CPA6: variants seen among roughly 807,000 people sequenced by gnomAD.
CPA6 encodes the protein carboxypeptidase B.
Under a neutral mutation model 63.3 loss-of-function variants are expected in CPA6, and 58 were observed. That is an observed-to-expected ratio of 0.92 (90% CI 0.74 to 1.14). The LOEUF is 1.14. Among genes scored for constraint, CPA6 ranks in the 50% most tolerant of loss-of-function variants. CPA6 has a pLI of 0.00. For synonymous variants in CPA6, 185 were observed against 179.0 expected (o/e 1.03, Z -0.27); for missense variants, 565 against 526.6 (o/e 1.07, Z -0.71).
At chr8:67,571,712 G>T (rs1468822521) in intron 2 of CPA6, among the ~76,000 whole-genome samples, 1 of 152,068 alleles carries the variant, frequency 6.6e-6, no homozygotes, top group Non-Finnish European at 1.5e-5. Flanking sequence ...AGGAAAGTTT[G>T]TAGCAAAAAC....
At chr8:67,451,100 G>A (rs545232574) in intron 8 of CPA6, among the ~76,000 whole-genome samples, 1 of 152,234 alleles carries the variant, frequency 6.6e-6, no homozygotes, top group African/African-American at 2.4e-5. Flanking sequence ...TGAATAAGTG[G>A]AGCTGACCCT....
At chr8:67,712,203 A>G (rs1354789236) in intron 1 of CPA6, among the ~76,000 whole-genome samples, 1 of 152,106 alleles carries the variant, frequency 6.6e-6, no homozygotes, top group Non-Finnish European at 1.5e-5. Context: ...CTTGGTGCAG[A>G]TTGGGTAGAG....
intron 1 of CPA6, among the ~76,000 whole-genome samples, chr8:67,695,779 C>T (rs1454696584): frequency 6.6e-6 from 1 of 152,154 alleles, no homozygotes; most frequent in African/African-American, 2.4e-5. Context: ...AAATCAGTGT[C>T]CAATATATGG....
At chr8:67,695,847 A>AG (rs1816903176) in intron 1 of CPA6, among the ~76,000 whole-genome samples, 5 of 152,172 alleles carry the variant, frequency 3.3e-5, no homozygotes, top group Admixed American at 3.3e-4. Flanking sequence ...TACAGATGGG[A>AG]GGGGCAGCAT....
At chr8:67,492,883 G>A (rs1811636842) in intron 6 of CPA6, among the ~76,000 whole-genome samples, 1 of 152,172 alleles carries the variant, frequency 6.6e-6, no homozygotes, top group Non-Finnish European at 1.5e-5. Context: ...AAATTGGATA[G>A]AAGGGAGAAA....
chr8:67,654,814 C>T (rs960029764), intron 1 of CPA6, among the ~76,000 whole-genome samples: 9 of 152,130 alleles, frequency 5.9e-5, no homozygotes, highest in Admixed American at 3.3e-4. Flanking sequence ...TTGGTCTCCT[C>T]TTTTTCTACA....
intron 2 of CPA6, among the ~76,000 whole-genome samples, chr8:67,597,357 C>T (rs930595333): frequency 2.0e-5 from 3 of 152,018 alleles, no homozygotes; most frequent in Non-Finnish European, 4.4e-5. Context: ...CACAACCACA[C>T]CCAGCTAATT....
chr8:67,716,751 C>A (rs1025757394), intron 1 of CPA6, among the ~76,000 whole-genome samples: 1 of 152,196 alleles, frequency 6.6e-6, no homozygotes, highest in Admixed American at 6.5e-5. Flanking sequence ...TGATGCCATT[C>A]CCAGCTTGAC....
At chr8:67,676,663 C>T (rs1453425875) in intron 1 of CPA6, among the ~76,000 whole-genome samples, 1 of 152,184 alleles carries the variant, frequency 6.6e-6, no homozygotes, top group East Asian at 1.9e-4. Flanking sequence ...TCTAGACAGG[C>T]TTTTACATGC....
intron 6 of CPA6, among the ~76,000 whole-genome samples, chr8:67,492,663 T>A (rs932124318): frequency 2.0e-5 from 3 of 152,186 alleles, no homozygotes; most frequent in Admixed American, 6.6e-5. Context: ...TCTCATTGAT[T>A]ATGAAGATTG....
intron 8 of CPA6, among the ~76,000 whole-genome samples, chr8:67,475,890 CT>C (rs1249280734): frequency 2.6e-3 from 112 of 43,484 alleles, no homozygotes; most frequent in Non-Finnish European, 3.5e-3. Context: ...TCCTTTCTTT[CT>C]TTCTTTCTTT....
chr8:67,515,642 G>A (rs2128966365), intron 3 of CPA6, among the ~76,000 whole-genome samples: 1 of 152,210 alleles, frequency 6.6e-6, no homozygotes, highest in South Asian at 2.1e-4. Context: ...CTGCCTTGAT[G>A]TTCCTGCCCC....
At chr8:67,472,910 T>A (rs1381912017) in intron 8 of CPA6, among the ~76,000 whole-genome samples, 1 of 152,238 alleles carries the variant, frequency 6.6e-6, no homozygotes, top group Non-Finnish European at 1.5e-5. Flanking sequence ...GTTTTGTGTA[T>A]ACACACAAAA....
intron 1 of CPA6, among the ~76,000 whole-genome samples, chr8:67,685,249 A>T (rs945921328): frequency 1.3e-5 from 2 of 152,258 alleles, no homozygotes; most frequent in East Asian, 1.9e-4. Flanking sequence ...CTATCTTCTG[A>T]GATTCTCAGC....
intron 2 of CPA6, among the ~76,000 whole-genome samples, chr8:67,602,069 T>C (rs1011962830): frequency 6.6e-6 from 1 of 152,178 alleles, no homozygotes; most frequent in Admixed American, 6.5e-5. Context: ...TGGATTATCA[T>C]AGACATCTTA....
intron 2 of CPA6, among the ~76,000 whole-genome samples, chr8:67,542,241 C>T (rs976603539): frequency 2.6e-5 from 4 of 152,232 alleles, no homozygotes; most frequent in African/African-American, 9.6e-5. Context: ...AAGTCCTCTG[C>T]ATTTAATGAC....
intron 6 of CPA6, among the ~76,000 whole-genome samples, chr8:67,488,024 T>A (rs1811521525): frequency 6.6e-6 from 1 of 152,208 alleles, no homozygotes; most frequent in African/African-American, 2.4e-5. Context: ...CTGATGGTAG[T>A]TTCTTTTGCT....
chr8:67,695,522 T>C (rs1446354246), intron 1 of CPA6, among the ~76,000 whole-genome samples: 1 of 152,222 alleles, frequency 6.6e-6, no homozygotes, highest in African/African-American at 2.4e-5. Flanking sequence ...CTACCATCCT[T>C]GGACTTACAG....
rs569478805 is a variant in CPA6 at position 67,653,155 on chromosome 8, A to C, written c.117-28904T>G. 4.7e-3 allele frequency among the ~76,000 whole-genome samples: 710 copies of C among 150,732 alleles called. 2 individuals carry two copies. Among genetic ancestry groups the C allele is most frequent in the Non-Finnish European group, 6.3e-3 (425 of 67,062 alleles). On this transcript the variant is annotated intron_variant, in intron 1 of 10. Transcript: ENST00000297770. ...TTTGGTTACTGTAGCCTTGTAGTATAGTTTGAAGTCAGGTAGTGTGATGCC... is the reference window on the plus strand; with the variant it reads ...TTTGGTTACTGTAGCCTTGTAGTATCGTTTGAAGTCAGGTAGTGTGATGCC...
Sources: allele counts gnomAD v4.1 joint callset (sites outside exome capture counted in the v4.1 genomes callset), GRCh38; gene constraint gnomAD v4.1.1; transcripts MANE v1.5; gene names NCBI Gene and HGNC (gene_info 2026-07-23, HGNC 2026-07-21).